Variants in NRXN3 observed in about 807,000 individuals in gnomAD.
NRXN3 encodes the protein neurexin III.
Under a neutral mutation model 137.6 loss-of-function variants are expected in NRXN3, and 32 were observed. The observed-to-expected ratio is 0.23, with a 90% CI of 0.18 to 0.31. The LOEUF is 0.31. Among genes scored for constraint, NRXN3 ranks in the 10% least tolerant of loss-of-function variants. NRXN3 has a pLI of 1.00. For synonymous variants in NRXN3, 798 were observed against 784.5 expected (o/e 1.02, Z -0.29); for missense variants, 1,574 against 2,062.5 (o/e 0.76, Z 4.59).
intron 4 of NRXN3, among the ~76,000 whole-genome samples, chr14:78,360,174 C>T (rs1169907777): frequency 6.6e-6 from 1 of 152,072 alleles, no homozygotes; most frequent in Non-Finnish European, 1.5e-5. Context: ...TATCTCAGAC[C>T]CCATCCTGAG....
chr14:78,282,095 A>G (rs2074485517), intron 3 of NRXN3: 1 of 491,740 alleles, frequency 2.0e-6, no homozygotes, highest in Non-Finnish European at 4.1e-6. Context: ...CAAGAAGGGA[A>G]AGGACCTATC....
intron 6 of NRXN3, among the ~76,000 whole-genome samples, chr14:78,683,870 TG>T (rs1331758573): frequency 3.3e-5 from 5 of 152,236 alleles, no homozygotes; most frequent in Non-Finnish European, 7.3e-5. Flanking sequence ...CCAAATTTTC[TG>T]TTTATTTTAT....
chr14:79,849,139 T>G (rs950871942), intron 20 of NRXN3, among the ~76,000 whole-genome samples: 10 of 152,220 alleles, frequency 6.6e-5, no homozygotes, highest in African/African-American at 2.4e-4. Flanking sequence ...CATGCTGTAG[T>G]GTAAGTCACC....
At chr14:78,800,958 A>T (rs952083434) in intron 8 of NRXN3, among the ~76,000 whole-genome samples, 3 of 152,182 alleles carry the variant, frequency 2.0e-5, no homozygotes, top group African/African-American at 7.2e-5. Context: ...GTCTCAAACT[A>T]CCTTACATGA....
intron 15 of NRXN3, among the ~76,000 whole-genome samples, chr14:79,427,445 C>G (rs1307471393): frequency 6.7e-6 from 1 of 149,066 alleles, no homozygotes; most frequent in Non-Finnish European, 1.5e-5. Context: ...CACACACAAA[C>G]ACACACACAC....
rs1026768138 is a variant in NRXN3, at chr14:79,706,927, C to G, written c.4014+8990C>G. Among the ~76,000 whole-genome samples the G allele has an allele frequency of 6.6e-5, 10 of 152,244 alleles. No individual in the cohort carries two copies. In the South Asian group the frequency reaches 1.7e-3, roughly 25 times the overall value. ...CCATTTTACACTTGGCCCCCTGGCA[C>G]TCCACTCTTTATGCACTCTTAACCT... is the stretch of plus-strand genomic sequence containing the variant. On this transcript the variant is annotated intron_variant, in intron 19 of 20. Coordinates refer to ENST00000335750, the MANE Select transcript of NRXN3 (RefSeq NM_001330195.2).
At chr14:78,953,274 C>T (rs1483271761) in intron 10 of NRXN3, among the ~76,000 whole-genome samples, 1 of 152,140 alleles carries the variant, frequency 6.6e-6, no homozygotes, top group Non-Finnish European at 1.5e-5. Flanking sequence ...AAGCAATCAG[C>T]AATGCATTAT....
At chr14:79,588,879 AAGAT>A (rs148749280) in intron 16 of NRXN3, among the ~76,000 whole-genome samples, 2 of 152,220 alleles carry the variant, frequency 1.3e-5, no homozygotes, top group African/African-American at 4.8e-5. Context: ...CACATCATGG[AAGAT>A]AGATAGGGTA....
intron 10 of NRXN3, among the ~76,000 whole-genome samples, chr14:78,928,743 T>G (rs1597497139): frequency 1.4e-5 from 1 of 72,754 alleles, no homozygotes; most frequent in East Asian, 6.5e-4. Flanking sequence ...CTATTGTGAA[T>G]TAGTGCCTCA....
At chr14:79,818,873 CT>C (rs1032013618) in intron 20 of NRXN3, among the ~76,000 whole-genome samples, 22 of 152,322 alleles carry the variant, frequency 1.4e-4, no homozygotes, top group Admixed American at 5.9e-4. Flanking sequence ...CAAGTATGGC[CT>C]GCACAAACAT....
intron 15 of NRXN3, among the ~76,000 whole-genome samples, chr14:79,263,280 T>C (rs2098688075): frequency 6.6e-6 from 1 of 152,224 alleles, no homozygotes; most frequent in Non-Finnish European, 1.5e-5. Flanking sequence ...ATATTTCTTT[T>C]AAAAGATTAC....
intron 4 of NRXN3, among the ~76,000 whole-genome samples, chr14:78,634,305 T>A (rs2097548309): frequency 6.6e-6 from 1 of 152,144 alleles, no homozygotes; most frequent in African/African-American, 2.4e-5. Context: ...GGAGGAGGAA[T>A]TGGCAACTTT....
chr14:79,658,114 A>G (rs1006999101), intron 16 of NRXN3, among the ~76,000 whole-genome samples: 1 of 152,218 alleles, frequency 6.6e-6, no homozygotes, highest in African/African-American at 2.4e-5. Flanking sequence ...TGTTATAGAA[A>G]TAACTCAATT....
intron 10 of NRXN3, among the ~76,000 whole-genome samples, chr14:78,838,551 A>C (rs1372208263): frequency 6.6e-6 from 1 of 152,160 alleles, no homozygotes; most frequent in Non-Finnish European, 1.5e-5. Flanking sequence ...GGTTTGTACT[A>C]TTCTTTCCAT....
At position 79,053,944 on chromosome 14, in the gene NRXN3, A is replaced by T. The variant is rs189119507; in HGVS notation, c.3262+65803A>T. 6.6e-4 allele frequency among the ~76,000 whole-genome samples: 101 copies of T among 152,186 alleles called. 1 individual carries two copies. The highest frequency in any genetic ancestry group is 2.1e-3 in the African/African-American group (88 of 41,524). ...ACCTAATTTATCATAGATTTTAAAA[A>T]GATTCCTCTTGCAGCTGGGTCTTAA... On this transcript the variant is annotated intron_variant, in intron 15 of 20. Transcript: ENST00000335750.
chr14:79,687,155 A>C (rs2098698601), intron 17 of NRXN3, among the ~76,000 whole-genome samples: 1 of 152,216 alleles, frequency 6.6e-6, no homozygotes, highest in African/African-American at 2.4e-5. Flanking sequence ...TGATGCTTAT[A>C]ATTGCATTTT....
intron 4 of NRXN3, among the ~76,000 whole-genome samples, chr14:78,580,502 A>G (rs2096982721): frequency 6.6e-6 from 1 of 152,188 alleles, no homozygotes; most frequent in Admixed American, 6.5e-5. Flanking sequence ...CTTTTCGTGG[A>G]GGAACTACCC....
At chr14:78,352,212 A>G (rs2083631438) in intron 4 of NRXN3, among the ~76,000 whole-genome samples, 1 of 152,172 alleles carries the variant, frequency 6.6e-6, no homozygotes, top group Admixed American at 6.5e-5. Context: ...GTGGTGCAAG[A>G]AGTAGGGAAT....
At chr14:78,693,260 C>A (rs1443388049) in intron 6 of NRXN3, among the ~76,000 whole-genome samples, 5 of 151,968 alleles carry the variant, frequency 3.3e-5, no homozygotes, top group Admixed American at 3.3e-4. Context: ...GCTTTATCAG[C>A]TTTATCTCTG....
Sources: allele counts gnomAD v4.1 joint callset (sites outside exome capture counted in the v4.1 genomes callset), GRCh38; gene constraint gnomAD v4.1.1; transcripts MANE v1.5; gene names NCBI Gene and HGNC (gene_info 2026-07-23, HGNC 2026-07-21).